The following KCNIP4 variants were observed in gnomAD, a reference collection of about 807,000 sequenced individuals.
The protein encoded by KCNIP4 is potassium voltage-gated channel interacting protein 4.
In KCNIP4, 12 loss-of-function variants were observed where a neutral mutation model predicts 34.0. That is an observed-to-expected ratio of 0.35 (90% confidence interval 0.23 to 0.57). The LOEUF is 0.57. KCNIP4 is among the 20% of genes least tolerant of loss of function. The pLI is 0.83. For missense variants in KCNIP4, 238 were observed against 311.7 expected, an observed-to-expected ratio of 0.76 and a Z score of 1.78; for synonymous variants, 124 against 102.2, an observed-to-expected ratio of 1.21 and a Z score of -1.29.
chr4:21,616,964 T>TATTTAAATG (rs1157833821), intron 1 of KCNIP4, among the ~76,000 whole-genome samples: 3 of 152,208 alleles, frequency 2.0e-5, no homozygotes, highest in Non-Finnish European at 4.4e-5. Flanking sequence ...CCAAAATATT[T>TATTTAAATG]ATTTAAATGA....
At chr4:20,838,179 G>T (rs1224843517) in intron 3 of KCNIP4, among the ~76,000 whole-genome samples, 3 of 152,058 alleles carry the variant, frequency 2.0e-5, no homozygotes, top group Non-Finnish European at 2.9e-5. Context: ...AACTTGATAT[G>T]CATTCAGTTC....
intron 3 of KCNIP4, among the ~76,000 whole-genome samples, chr4:20,797,738 A>G (rs1185740839): frequency 1.3e-5 from 2 of 152,162 alleles, no homozygotes; most frequent in Admixed American, 1.3e-4. Context: ...CCAGGAGCTA[A>G]GAGCAGTCCC....
intron 1 of KCNIP4, among the ~76,000 whole-genome samples, chr4:21,653,784 G>C (rs1188559502): frequency 1.3e-5 from 2 of 152,206 alleles, no homozygotes; most frequent in African/African-American, 2.4e-5. Context: ...TTACTTGCCT[G>C]TGGTAACAAA....
At chr4:21,053,465 G>A (rs1251392424) in intron 1 of KCNIP4, among the ~76,000 whole-genome samples, 1 of 152,164 alleles carries the variant, frequency 6.6e-6, no homozygotes, top group Admixed American at 6.5e-5. Flanking sequence ...GAACAAGGAA[G>A]GATTCCTCTC....
intron 1 of KCNIP4, among the ~76,000 whole-genome samples, chr4:21,036,193 C>A (rs1217065360): frequency 1.3e-5 from 2 of 152,172 alleles, no homozygotes; most frequent in African/African-American, 4.8e-5. Flanking sequence ...TACTGTATTA[C>A]ATATGCTATG....
At chr4:21,369,641 G>A (rs1186656241) in intron 1 of KCNIP4, among the ~76,000 whole-genome samples, 1 of 146,704 alleles carries the variant, frequency 6.8e-6, no homozygotes, top group East Asian at 2.0e-4. Context: ...GAGATTTTCT[G>A]ATGTTCAGAT....
rs375534543 is a variant in KCNIP4, at chr4:20,876,365, G to A, written c.163+6243C>T. ...GAGTTACTCAGAGTTATTCAATAAG[G>A]AGTTATAGCCAGAGACTTGACAGCA... is the stretch of plus-strand genomic sequence containing the variant. On this transcript the variant is annotated intron_variant, in intron 2 of 8. Transcript: ENST00000382152. Among the ~76,000 whole-genome samples the A allele has an allele frequency of 5.3e-5, 8 of 152,094 alleles. No homozygotes were observed. In the East Asian group the frequency reaches 5.8e-4, roughly 11 times the overall value.
chr4:21,925,842 T>A (rs1420633416), intron 1 of KCNIP4, among the ~76,000 whole-genome samples: 3 of 152,114 alleles, frequency 2.0e-5, no homozygotes, highest in Non-Finnish European at 2.9e-5. Context: ...GGCATATAAT[T>A]CATACTCAAG....
chr4:20,770,231 A>G (rs994012171), intron 3 of KCNIP4, among the ~76,000 whole-genome samples: 3 of 152,242 alleles, frequency 2.0e-5, no homozygotes, highest in South Asian at 4.1e-4. Context: ...GGCACCTGCC[A>G]TAGTTTAATG....
rs115064788 is a variant in KCNIP4 at position 21,685,334 on chromosome 4, A to G, written c.61+263237T>C. Reference sequence around the variant, plus strand: ...ATGCTGGCTTGTAAAAGTACTCAGCAGAACCTTGAATTGGGATCACTTTAT... The same window carrying G: ...ATGCTGGCTTGTAAAAGTACTCAGCGGAACCTTGAATTGGGATCACTTTAT... On this transcript the variant is annotated intron_variant, in intron 1 of 8. Transcript: ENST00000382152. Among the ~76,000 whole-genome samples the G allele has an allele frequency of 2.6e-3, 400 of 152,344 alleles. 1 individual carries two copies. The highest frequency in any genetic ancestry group is 7.7e-3 in the African/African-American group (320 of 41,580).
At chr4:21,709,021 A>G in intron 1 of KCNIP4, among the ~76,000 whole-genome samples, 1 of 152,294 alleles carries the variant, frequency 6.6e-6, no homozygotes, top group East Asian at 1.9e-4. Context: ...ATATACTATT[A>G]GACTAATATA....
rs1456036121 is a variant in KCNIP4, at chr4:21,757,207, G to T, written c.61+191364C>A. ...GGAAGGAAGGAAGGAAGGAAAGAAA[G>T]AAAGAAAGAAAGAAAGAAAGAAAGA... On this transcript the variant is annotated intron_variant, in intron 1 of 8. Transcript: ENST00000382152. Among the ~76,000 whole-genome samples, 76 of 17,618 alleles carry T rather than the reference G, an allele frequency of 4.3e-3. 5 individuals are homozygous for T. The highest frequency in any genetic ancestry group is 0.039 in the East Asian group (36 of 932). 11.6% of individuals were successfully genotyped at this position (17,618 alleles called of 152,430 possible). A position where few individuals can be genotyped will look rare whatever the true frequency, so the allele number is the denominator to read the frequency against.
At chr4:21,689,844 A>C (rs1751121905) in intron 1 of KCNIP4, among the ~76,000 whole-genome samples, 1 of 151,986 alleles carries the variant, frequency 6.6e-6, no homozygotes, top group South Asian at 2.1e-4. Flanking sequence ...AAGTTGGAAA[A>C]TAATGATTCA....
At chr4:21,153,516 T>TATAC (rs1752916660) in intron 1 of KCNIP4, among the ~76,000 whole-genome samples, 1 of 5,208 alleles carries the variant, frequency 1.9e-4, no homozygotes, top group Non-Finnish European at 4.1e-4. Context: ...TGTGTGTGTG[T>TATAC]ATATATATAT....
At chr4:21,755,248 A>AT (rs1342695303) in intron 1 of KCNIP4, among the ~76,000 whole-genome samples, 1 of 152,192 alleles carries the variant, frequency 6.6e-6, no homozygotes, top group East Asian at 1.9e-4. Context: ...CTCAACTTTC[A>AT]TATCTATAAG....
At chr4:20,814,441 C>T (rs756794013) in intron 3 of KCNIP4, among the ~76,000 whole-genome samples, 1 of 152,166 alleles carries the variant, frequency 6.6e-6, no homozygotes, top group Admixed American at 6.5e-5. Context: ...TACCAGGGAG[C>T]ATTGCCTTAG....
At chr4:21,536,987 C>A (rs1022237842) in intron 1 of KCNIP4, among the ~76,000 whole-genome samples, 2 of 152,078 alleles carry the variant, frequency 1.3e-5, no homozygotes, top group African/African-American at 4.8e-5. Flanking sequence ...ATAATTTCTA[C>A]CCCTCAAACA....
intron 3 of KCNIP4, among the ~76,000 whole-genome samples, chr4:20,826,772 T>C (rs1717811932): frequency 6.6e-6 from 1 of 152,170 alleles, no homozygotes; most frequent in South Asian, 2.1e-4. Flanking sequence ...CTATCATTGA[T>C]AGAACTTTCA....
chr4:20,872,646 C>T (rs1446379053), intron 2 of KCNIP4, among the ~76,000 whole-genome samples: 1 of 152,054 alleles, frequency 6.6e-6, no homozygotes, highest in African/African-American at 2.4e-5. Flanking sequence ...ATAGCTCCTA[C>T]GAGAAGCTAC....
Sources: allele counts gnomAD v4.1 joint callset (sites outside exome capture counted in the v4.1 genomes callset), GRCh38; gene constraint gnomAD v4.1.1; transcripts MANE v1.5; gene names NCBI Gene and HGNC (gene_info 2026-07-23, HGNC 2026-07-21).